Variants in PIK3CA observed in about 807,000 individuals in gnomAD.
PIK3CA encodes phosphatidylinositol-4,5-bisphosphate 3-kinase catalytic subunit alpha.
PIK3CA carries 27 observed loss-of-function variants against 138.2 expected under a neutral mutation model. The ratio of observed to expected loss-of-function variants is 0.20; its 90% CI spans 0.14 to 0.27. PIK3CA has a LOEUF of 0.27. PIK3CA is among the 10% of genes least tolerant of loss of function. The probability of loss-of-function intolerance (pLI) is 1.00; values close to 1 mark genes in which losing one functional copy is unlikely to be tolerated. For synonymous variants in PIK3CA, 358 were observed against 413.2 expected (o/e 0.87, Z 1.62); for missense variants, 544 against 1,277.4 (o/e 0.43, Z 8.75).
At position 179,219,897 on chromosome 3, in the gene PIK3CA, T is replaced by C. The variant is rs1367584714; in HGVS notation, c.1912-52T>C. ...ACTTTCTTTCTGAAAAAATTTTCTT[T>C]AGATCGGCCATGCAGAAACTGACCC... On this transcript the variant is annotated intron_variant, in intron 12 of 20. Transcript: ENST00000263967. The surrounding 1 kb of genome is among the most constrained non-coding windows in gnomAD (Gnocchi z 4.2). The C allele has an allele frequency of 2.6e-5, 42 of 1,586,910 alleles. No homozygotes were observed. The East Asian group carries it at 7.2e-4, about 27-fold the overall frequency.
intron 1 of PIK3CA, among the ~76,000 whole-genome samples, chr3:179,175,771 G>A (rs1289234332): frequency 6.6e-6 from 1 of 150,420 alleles, no homozygotes; most frequent in Non-Finnish European, 1.5e-5. Flanking sequence ...TAAGGATGCA[G>A]TCTTTTATCT....
In PIK3CA at chr3:179,235,638, C is replaced by G. The variant is rs1725319375; in HGVS notation, c.*1274C>G. The G allele has an allele frequency of 4.8e-6, 1 of 206,878 alleles. No homozygotes were observed. The highest frequency in any genetic ancestry group is 9.9e-6 in the Non-Finnish European group (1 of 101,240). The allele number at this position is 206,878 out of a possible 1,614,324, so 12.8% of individuals were successfully genotyped here. On this transcript the variant is annotated 3_prime_UTR_variant, in exon 21 of 21. Coordinates refer to ENST00000263967, the MANE Select transcript of PIK3CA (RefSeq NM_006218.4). Reference sequence around the variant, plus strand: ...ACAATTTAGACTATCTTCCTGATTCCTTAAACCCCTTTACTGAAGTATACT... The same window carrying G: ...ACAATTTAGACTATCTTCCTGATTCGTTAAACCCCTTTACTGAAGTATACT...
At chr3:179,167,920 G>A (rs1047552870) in intron 1 of PIK3CA, among the ~76,000 whole-genome samples, 30 of 152,112 alleles carry the variant, frequency 2.0e-4, no homozygotes, top group Non-Finnish European at 2.8e-4. Context: ...GGTATTCAGC[G>A]TGCCATTAGT....
rs1210112431 is a variant in PIK3CA, at chr3:179,207,693, C to A, written c.1146-1902C>A. On this transcript the variant is annotated intron_variant, in intron 6 of 20. Coordinates refer to ENST00000263967, the MANE Select transcript of PIK3CA (RefSeq NM_006218.4). ...CACCACCACGCCCAGCTAATCTTGG[C>A]ATTTTTAGTAGAGATGGGGTTTTGC... Among the ~76,000 whole-genome samples, 4 of 151,728 alleles carry A rather than the reference C, an allele frequency of 2.6e-5. No homozygotes were observed. In the East Asian group the frequency reaches 7.7e-4, roughly 29 times the overall value.
Position 179,201,524 on chromosome 3 carries a change from C to T in PIK3CA, c.797C>T (p.Pro266Leu), listed in dbSNP as rs2108390158. ...GCDEYFLEKY[P>L]LSQYKYIRSC... ...GATGAATACTTCCTAGAAAAATATCCTCTGAGTCAGTATAAGGTGAGTAAC... is the reference window on the plus strand; with the variant it reads ...GATGAATACTTCCTAGAAAAATATCTTCTGAGTCAGTATAAGGTGAGTAAC... Residue 266 changes from proline (P) to leucine (L), a missense_variant, in exon 4 of 21, where the codon CCT (proline) becomes CTT (leucine). Around this residue, in one of 14 missense-constraint regions of PIK3CA, gnomAD observed 234 missense variants for 401.3 expected, o/e 0.58. Coordinates refer to ENST00000263967, the MANE Select transcript of PIK3CA (RefSeq NM_006218.4). The T allele has an allele frequency of 6.2e-7, 1 of 1,601,418 alleles. No individual in the cohort carries two copies. The highest frequency in any genetic ancestry group is 8.6e-7 in the Non-Finnish European group (1 of 1,169,044).
In PIK3CA at chr3:179,230,188, T is replaced by G; in HGVS notation, c.2785-37T>G. 1 of 1,563,818 alleles carries G rather than the reference T, an allele frequency of 6.4e-7. No individual in the cohort carries two copies. Among genetic ancestry groups the G allele is most frequent in the Non-Finnish European group, 8.8e-7 (1 of 1,137,250 alleles). The stretch of plus-strand genomic sequence containing the variant: ...TTATTCAAGACATTTTGTATCTGCA[T>G]ATATCAAACTATAACATAATTTCTT... On this transcript the variant is annotated intron_variant, in intron 19 of 20. Transcript: ENST00000263967. The surrounding 1 kb of genome is among the most constrained non-coding windows in gnomAD (Gnocchi z 5.4).
At position 179,218,279 on chromosome 3, in the gene PIK3CA, C is replaced by A. The variant is rs745327633; in HGVS notation, c.1609C>A (p.Arg537=). The A allele has an allele frequency of 6.2e-7, 1 of 1,611,092 alleles. No homozygotes were observed. Among genetic ancestry groups the A allele is most frequent in the Non-Finnish European group, 8.5e-7 (1 of 1,178,266 alleles). Residue 537 remains arginine, a synonymous_variant, in exon 10 of 21, where the codon CGA becomes AGA. Coordinates refer to ENST00000263967, the MANE Select transcript of PIK3CA (RefSeq NM_006218.4). ...DKEQLKAIST[R]DPLSEITEQE... ...AGAACAGCTCAAAGCAATTTCTACA[C>A]GAGATCCTCTCTCTGAAATCACTGA...
chr3:179,209,501 G>T (rs1259124727), intron 6 of PIK3CA, 94 bp from the exon 7 acceptor site: 3 of 659,820 alleles, frequency 4.5e-6, no homozygotes, highest in South Asian at 2.8e-5. Flanking sequence ...TTTTCGTTTG[G>T]TTGATCTTTG....
Position 179,203,725 on chromosome 3 carries a change from G to T in PIK3CA, c.995G>T (p.Ser332Ile), listed in dbSNP as rs1262394031. Residue 332 changes from serine (S) to isoleucine (I), a missense_variant, in exon 5 of 21, where the codon AGT becomes ATT. This residue lies in a region of PIK3CA where 234 missense variants were observed against 401.3 expected (regional missense o/e 0.58). Transcript: ENST00000263967. ...ACAAAATCCCTTTGGGTTATAAATA[G>T]TGCACTCAGAATAAAAATTCTTTGT... is the stretch of plus-strand genomic sequence containing the variant. ...TSTKSLWVIN[S>I]ALRIKILCAT... The T allele has an allele frequency of 1.9e-6, 3 of 1,612,622 alleles. No homozygotes were observed. Among genetic ancestry groups the T allele is most frequent in the Non-Finnish European group, 2.5e-6 (3 of 1,179,122 alleles).
chr3:179,175,263 T>A (rs543590735), intron 1 of PIK3CA, among the ~76,000 whole-genome samples: 19 of 152,244 alleles, frequency 1.2e-4, no homozygotes, highest in Non-Finnish European at 2.6e-4. Context: ...ATGTGATATT[T>A]TAAGTGAGTG....
upstream of PIK3CA, chr3:179,148,201 C>A (rs909348253): frequency 6.7e-6 from 1 of 149,560 alleles, no homozygotes; most frequent in Non-Finnish European, 1.5e-5. Context: ...GGGAAGAGTT[C>A]GTTGTTTGTT....
chr3:179,165,249 CTTAGTAAT>C (rs1723389124), intron 1 of PIK3CA, among the ~76,000 whole-genome samples: 1 of 152,118 alleles, frequency 6.6e-6, no homozygotes, highest in African/African-American at 2.4e-5. Flanking sequence ...CTGCTTAAAG[CTTAGTAAT>C]TCCTTATGAC....
At chr3:179,185,535 A>G (rs1250290730) in intron 1 of PIK3CA, among the ~76,000 whole-genome samples, 1 of 152,166 alleles carries the variant, frequency 6.6e-6, no homozygotes, top group Non-Finnish European at 1.5e-5. Flanking sequence ...TTCTGACACT[A>G]TCTGCCTAGA....
intron 1 of PIK3CA, among the ~76,000 whole-genome samples, chr3:179,164,142 A>G (rs912066511): frequency 3.9e-5 from 6 of 152,202 alleles, no homozygotes; most frequent in Non-Finnish European, 8.8e-5. Context: ...TGTATACTAT[A>G]TGAGTACAAG....
At chr3:179,229,976 C>T (rs747545246) in intron 18 of PIK3CA, 28 bp from the exon 19 acceptor site, 4 of 1,443,400 alleles carry the variant, frequency 2.8e-6, no homozygotes, top group Non-Finnish European at 3.9e-6. Flanking sequence ...TATTTCCATA[C>T]TACTCATGAG....
chr3:179,153,800 T>C (rs922728153), intron 1 of PIK3CA, among the ~76,000 whole-genome samples: 2 of 118,774 alleles, frequency 1.7e-5, no homozygotes, highest in African/African-American at 6.8e-5. Flanking sequence ...AAAGAAATAC[T>C]GTAATAAAAA....
At position 179,235,211 on chromosome 3, in the gene PIK3CA, T is replaced by C. The variant is rs1388168179; in HGVS notation, c.*847T>C. On this transcript the variant is annotated 3_prime_UTR_variant, in exon 21 of 21. Coordinates refer to ENST00000263967, the MANE Select transcript of PIK3CA (RefSeq NM_006218.4). ...GTATTCACCTTAAGTTGATTTTTTT[T>C]CTCCTTCTGCAATTGAACTGAATAC... 11 of 185,414 alleles carry C rather than the reference T, an allele frequency of 5.9e-5. No homozygotes were observed. Among genetic ancestry groups the C allele is most frequent in the Admixed American group, 4.4e-4 (7 of 16,038 alleles). 11.5% of individuals were successfully genotyped at this position (185,414 alleles called of 1,614,324 possible).
At chr3:179,202,979 C>T (rs565164150) in intron 4 of PIK3CA, among the ~76,000 whole-genome samples, 2,772 of 126,892 alleles carry the variant, frequency 0.022, 54 homozygotes, top group Middle Eastern at 0.057. Context: ...CTTGCTCTGT[C>T]GCCCAGGCTG....
At position 179,238,071 on chromosome 3, in the gene PIK3CA, G is replaced by C. The variant is rs1416386064; in HGVS notation, c.*3707G>C. The C allele has an allele frequency of 2.2e-5, 5 of 224,920 alleles. No individual in the cohort carries two copies. In the East Asian group the frequency reaches 3.2e-4, roughly 14 times the overall value. The allele number at this position is 224,920 out of a possible 1,614,324, so 13.9% of individuals were successfully genotyped here. A position where few individuals can be genotyped will look rare whatever the true frequency, so the allele number is the denominator to read the frequency against. ...AGAAGAGGGGAATGTGAGGGGAGGG[G>C]GCAGAACAGGGAGGAGTTGTTTGAA... On this transcript the variant is annotated 3_prime_UTR_variant, in exon 21 of 21. Coordinates refer to ENST00000263967, the MANE Select transcript of PIK3CA (RefSeq NM_006218.4).
Sources: allele counts gnomAD v4.1 joint callset (sites outside exome capture counted in the v4.1 genomes callset), GRCh38; gene constraint gnomAD v4.1.1; regional missense constraint gnomAD v4.1.1; non-coding constraint Gnocchi (gnomAD v3.1); transcripts MANE v1.5; gene names NCBI Gene and HGNC (gene_info 2026-07-23, HGNC 2026-07-21).